The following COLQ variants were observed in gnomAD, a reference collection of about 807,000 sequenced individuals.
COLQ encodes collagen like tail subunit of asymmetric acetylcholinesterase, also known as acetylcholinesterase collagenic tail peptide.
COLQ carries 48 observed loss-of-function variants against 69.0 expected under a neutral mutation model. The ratio of observed to expected loss-of-function variants is 0.70; its 90% confidence interval spans 0.55 to 0.88. The LOEUF (loss-of-function observed/expected upper bound fraction) is 0.88. COLQ is among the 40% of genes least tolerant of loss of function. The pLI is 0.00. For missense variants in COLQ, 618 were observed against 594.6 expected (o/e 1.04, Z -0.41); for synonymous variants, 217 against 211.2 (o/e 1.03, Z -0.24).
chr3:15,488,125 C>A, intron 3 of COLQ, 81 bp downstream of exon 3: 1 of 996,504 alleles, frequency 1.0e-6, no homozygotes, highest in Non-Finnish European at 1.5e-6. Flanking sequence ...TGAGAAAGAG[C>A]AGACACTAAG....
chr3:15,456,020 CT>C lies in COLQ; in HGVS notation c.1075-2del. 6.2e-7 allele frequency: 1 copy of C among 1,614,022 alleles called. No homozygotes were observed. Among genetic ancestry groups the C allele is most frequent in the Non-Finnish European group, 8.5e-7 (1 of 1,179,982 alleles). ...AATCCACAGGGTAGAAAGGGGTCAG[CT>C]GGCCAAAGAAGCACACAGCATTAAC... On this transcript the variant is annotated splice_acceptor_variant, in intron 14 of 16. Transcript: ENST00000383788. LOFTEE classifies it high-confidence loss of function.
At chr3:15,479,628 T>C (rs554651218) in intron 3 of COLQ, among the ~76,000 whole-genome samples, 3 of 152,348 alleles carry the variant, frequency 2.0e-5, no homozygotes, top group African/African-American at 7.2e-5. Context: ...ATATCTACTC[T>C]GTGGTTTTAA....
intron 11 of COLQ, among the ~76,000 whole-genome samples, chr3:15,468,419 G>A (rs534106129): frequency 7.4e-6 from 1 of 135,060 alleles, no homozygotes; most frequent in South Asian, 2.5e-4. Flanking sequence ...TGCAACATCT[G>A]CCTCCTGCGT....
chr3:15,507,995 T>C (rs1238488409), intron 1 of COLQ, among the ~76,000 whole-genome samples: 3 of 152,166 alleles, frequency 2.0e-5, no homozygotes, highest in African/African-American at 4.8e-5. Flanking sequence ...ATGAGAGGCA[T>C]TGGTGGTTCA....
At chr3:15,498,463 G>A (rs1040513128) in intron 1 of COLQ, 5 of 1,182,592 alleles carry the variant, frequency 4.2e-6, no homozygotes, top group Non-Finnish European at 4.6e-6. Context: ...AACAATGCAT[G>A]TGCATCCACA....
rs2062054368 is a variant in COLQ at position 15,458,308 on chromosome 3, G to A, written c.832C>T (p.Pro278Ser). Residue 278 changes from proline (P) to serine (S), a missense_variant, in exon 13 of 17, where the codon CCC becomes TCC. By Grantham distance (74) the Pro-to-Ser change is moderately conservative (BLOSUM62 -1). Coordinates refer to ENST00000383788, the MANE Select transcript of COLQ (RefSeq NM_005677.4). ...PPPAGQLIMG[P>S]KGERGFPGPP... ...CCGGGAAATCCTCTTTCCCCTTTGG[G>A]TCCCATTATAAGTTGTCCTAGGAAG... The A allele has an allele frequency of 6.2e-7, 1 of 1,614,146 alleles. No homozygotes were observed. The highest frequency in any genetic ancestry group is 8.5e-7 in the Non-Finnish European group (1 of 1,180,016).
At chr3:15,478,948 T>C (rs1559520936) in intron 5 of COLQ, 29 bp downstream of exon 5, 3 of 1,614,122 alleles carry the variant, frequency 1.9e-6, no homozygotes, top group African/African-American at 1.3e-5. Context: ...GACGCTCATG[T>C]GACACTCACA....
chr3:15,485,126 C>A (rs981855669), intron 3 of COLQ, among the ~76,000 whole-genome samples: 1 of 152,164 alleles, frequency 6.6e-6, no homozygotes, highest in African/African-American at 2.4e-5. Flanking sequence ...CAGTCAGGAC[C>A]CTCTGCTGCA....
At chr3:15,510,526 G>C (rs939939127) in intron 1 of COLQ, among the ~76,000 whole-genome samples, 2 of 151,906 alleles carry the variant, frequency 1.3e-5, no homozygotes, top group South Asian at 2.1e-4. Flanking sequence ...TGGGCAACAT[G>C]GCAAAACCCT....
intron 1 of COLQ, among the ~76,000 whole-genome samples, chr3:15,493,812 G>T (rs1437107025): frequency 6.6e-6 from 1 of 152,222 alleles, no homozygotes; most frequent in African/African-American, 2.4e-5. Context: ...GGCTAGGCGT[G>T]GTGGCTCACG....
At chr3:15,517,158 A>G (rs1283864174) in intron 1 of COLQ, among the ~76,000 whole-genome samples, 5 of 152,182 alleles carry the variant, frequency 3.3e-5, no homozygotes, top group Non-Finnish European at 7.4e-5. Context: ...AACAAACAAA[A>G]AAGAATCCAG....
chr3:15,471,234 CA>C (rs1206382822), intron 10 of COLQ, among the ~76,000 whole-genome samples: 1 of 152,128 alleles, frequency 6.6e-6, no homozygotes, highest in Non-Finnish European at 1.5e-5. Flanking sequence ...AGAGATGTTC[CA>C]AACATATGTT....
intron 3 of COLQ, among the ~76,000 whole-genome samples, chr3:15,484,895 A>C (rs1455889506): frequency 1.3e-5 from 2 of 152,226 alleles, no homozygotes; most frequent in African/African-American, 4.8e-5. Context: ...TTCTTCTCTC[A>C]ACTCATCAAA....
At chr3:15,504,469 C>T (rs2062876131) in intron 1 of COLQ, among the ~76,000 whole-genome samples, 1 of 152,216 alleles carries the variant, frequency 6.6e-6, no homozygotes, top group Admixed American at 6.5e-5. Context: ...TTCAGATTTC[C>T]TCTTCTTATA....
At chr3:15,458,455 G>A (rs1472970007) in intron 12 of COLQ, 130 bp from the exon 13 acceptor site, 5 of 970,716 alleles carry the variant, frequency 5.2e-6, no homozygotes, top group Non-Finnish European at 8.2e-6. Context: ...GCCTGAGGGA[G>A]AGGTTCAAAG....
chr3:15,503,452 C>A (rs975202398), intron 1 of COLQ, among the ~76,000 whole-genome samples: 2 of 152,134 alleles, frequency 1.3e-5, no homozygotes, highest in African/African-American at 4.8e-5. Context: ...AGGGCCTGCA[C>A]CCCTGAATGC....
intron 12 of COLQ, among the ~76,000 whole-genome samples, chr3:15,464,456 C>T (rs569925300): frequency 6.6e-6 from 1 of 152,320 alleles, no homozygotes; most frequent in South Asian, 2.1e-4. Flanking sequence ...CATAATTCAC[C>T]AGGATCTTTG....
At chr3:15,518,080 G>T (rs2125192020) in intron 1 of COLQ, among the ~76,000 whole-genome samples, 1 of 152,170 alleles carries the variant, frequency 6.6e-6, no homozygotes, top group Middle Eastern at 3.4e-3. Context: ...TGAGTAGCTG[G>T]GATTACAGGC....
intron 12 of COLQ, among the ~76,000 whole-genome samples, chr3:15,462,371 C>G (rs1305727658): frequency 6.6e-6 from 1 of 152,108 alleles, no homozygotes; most frequent in Non-Finnish European, 1.5e-5. Flanking sequence ...CTCTCCCCAC[C>G]CCTCCAATAT....
Sources: allele counts gnomAD v4.1 joint callset (sites outside exome capture counted in the v4.1 genomes callset), GRCh38; gene constraint gnomAD v4.1.1; transcripts MANE v1.5; gene names NCBI Gene and HGNC (gene_info 2026-07-23, HGNC 2026-07-21).